The following CAPN8 variants were observed in gnomAD, a reference collection of about 807,000 sequenced individuals.
The protein encoded by CAPN8 is calpain-8.
CAPN8 carries 87 observed loss-of-function variants against 80.9 expected under a neutral mutation model. The observed-to-expected ratio is 1.07, with a 90% CI of 0.90 to 1.28. CAPN8 has a LOEUF of 1.28. CAPN8 is among the 50% of genes most tolerant of loss of function. The pLI is 0.00. For missense variants in CAPN8, 757 were observed against 702.0 expected (o/e 1.08, Z -0.89); for synonymous variants, 299 against 273.8 (o/e 1.09, Z -0.91).
chr1:223,635,203 A>T (rs1291523301), intron 2 of CAPN8, among the ~76,000 whole-genome samples: 1 of 152,210 alleles, frequency 6.6e-6, no homozygotes, highest in Non-Finnish European at 1.5e-5. Context: ...ATGTTTTTAT[A>T]CACAGGGAGC....
At chr1:223,556,302 GGT>G (rs1165666796) in intron 13 of CAPN8, among the ~76,000 whole-genome samples, 20 of 150,174 alleles carry the variant, frequency 1.3e-4, no homozygotes, top group Non-Finnish European at 1.6e-4. Flanking sequence ...TGTATTCTGG[GGT>G]GTGTGTGTGT....
intron 18 of CAPN8, 117 bp downstream of exon 18, chr1:223,544,655 G>T (rs1048553640): frequency 1.5e-5 from 22 of 1,425,968 alleles, no homozygotes; most frequent in South Asian, 2.7e-5. Flanking sequence ...TTGTTGCCTT[G>T]ATATCCCATA....
chr1:223,649,994 A>G (rs144354949), intron 2 of CAPN8, among the ~76,000 whole-genome samples: 58 of 152,278 alleles, frequency 3.8e-4, no homozygotes, highest in African/African-American at 1.4e-3. Context: ...CTTTGATTAT[A>G]TCCCCACTTT....
At chr1:223,546,197 T>C (rs915708202) in intron 16 of CAPN8, among the ~76,000 whole-genome samples, 3 of 152,038 alleles carry the variant, frequency 2.0e-5, no homozygotes, top group Non-Finnish European at 2.9e-5. Context: ...TCTACAATTT[T>C]CTCACCAGTC....
At chr1:223,631,053 C>A (rs892980958) in intron 2 of CAPN8, among the ~76,000 whole-genome samples, 3 of 152,170 alleles carry the variant, frequency 2.0e-5, no homozygotes, top group African/African-American at 7.2e-5. Flanking sequence ...CAACCTACTT[C>A]TCCAGTCTTT....
At chr1:223,543,505 G>A (rs1210412215) in intron 19 of CAPN8, among the ~76,000 whole-genome samples, 1 of 152,170 alleles carries the variant, frequency 6.6e-6, no homozygotes, top group Non-Finnish European at 1.5e-5. Context: ...TTGCTTGTGG[G>A]TAATCCAGTC....
At chr1:223,555,473 T>C (rs1656882709) in intron 13 of CAPN8, among the ~76,000 whole-genome samples, 1 of 152,224 alleles carries the variant, frequency 6.6e-6, no homozygotes, top group Non-Finnish European at 1.5e-5. Context: ...AAAATACATC[T>C]AGATTTTTAG....
chr1:223,627,032 C>G lies in CAPN8; in HGVS notation c.686G>C (p.Arg229Pro). 2 of 1,551,912 alleles carry G rather than the reference C, an allele frequency of 1.3e-6. No individual in the cohort carries two copies. The highest frequency in any genetic ancestry group is 1.7e-6 in the Non-Finnish European group (2 of 1,147,046). Residue 229 changes from arginine to proline, a missense_variant, in exon 5 of 21, where the codon CGG becomes CCG. Transcript: ENST00000366872. ...KPPANLYQII[R>P]KALCAGSLLG... ...CAGAGACCCCGCACAGAGGGCCTTC[C>G]GGATGATCTGATATAGATTGGCTGG...
Position 223,628,646 on chromosome 1 carries a change from G to C in CAPN8, c.426+16C>G. ...TACGGAAAACAGCAACAAAGGGCCAGAGCAGAGCACAGTACCTGAAAGTGA... is the reference window on the plus strand; with the variant it reads ...TACGGAAAACAGCAACAAAGGGCCACAGCAGAGCACAGTACCTGAAAGTGA... On this transcript the variant is annotated intron_variant, in intron 3 of 20. Transcript: ENST00000366872. 6.5e-7 allele frequency: 1 copy of C among 1,536,500 alleles called. No individual in the cohort carries two copies.
rs1572227990 is a variant in CAPN8, at chr1:223,610,237, G to A, written c.1324-873C>T. Among the ~76,000 whole-genome samples, 3 of 152,272 alleles carry A rather than the reference G, an allele frequency of 2.0e-5. No individual in the cohort carries two copies. The South Asian group carries it at 6.2e-4, about 32-fold the overall frequency. On this transcript the variant is annotated intron_variant, in intron 11 of 20. Transcript: ENST00000366872. Reference sequence around the variant, plus strand: ...AGAGCTGAAATGTCCACCCCAGAGTGGACAGTGTTCATTCTTGGTCATCAG... The same window carrying A: ...AGAGCTGAAATGTCCACCCCAGAGTAGACAGTGTTCATTCTTGGTCATCAG...
chr1:223,642,862 T>C (rs951285847), intron 2 of CAPN8: 5 of 455,616 alleles, frequency 1.1e-5, no homozygotes, highest in Middle Eastern at 6.5e-4. Context: ...TAAGACTCAA[T>C]GGCATGAAAC....
intron 2 of CAPN8, among the ~76,000 whole-genome samples, chr1:223,634,246 C>T (rs1657853015): frequency 1.3e-5 from 2 of 152,146 alleles, no homozygotes; most frequent in Non-Finnish European, 2.9e-5. Flanking sequence ...TGAACGGAGG[C>T]TGTGATGTGT....
chr1:223,550,892 C>A, intron 15 of CAPN8, 68 bp downstream of exon 15: 1 of 700,734 alleles, frequency 1.4e-6, no homozygotes, highest in South Asian at 1.5e-5. Context: ...CAATGCCTGC[C>A]TACCCATCCC....
At chr1:223,642,611 T>C (rs1331368675) in intron 2 of CAPN8, 2 of 361,344 alleles carry the variant, frequency 5.5e-6, no homozygotes, top group African/African-American at 2.1e-5. Context: ...AGAGTTAATG[T>C]ACTTCAAAAC....
intron 1 of CAPN8, among the ~76,000 whole-genome samples, chr1:223,660,395 G>C (rs1004126683): frequency 1.3e-5 from 2 of 152,120 alleles, no homozygotes; most frequent in African/African-American, 4.8e-5. Context: ...GAACACCCCC[G>C]ATCTCACATA....
intron 19 of CAPN8, 45 bp from the exon 20 acceptor site, chr1:223,543,211 G>T (rs1457584932): frequency 2.1e-5 from 33 of 1,547,154 alleles, no homozygotes; most frequent in Non-Finnish European, 2.8e-5. Context: ...GGCTGTTCCT[G>T]GACTTTGGAA....
At chr1:223,543,898 TCCAGCTGCC>T (rs1656541580) in intron 19 of CAPN8, among the ~76,000 whole-genome samples, 160 bp downstream of exon 19, 1 of 152,206 alleles carries the variant, frequency 6.6e-6, no homozygotes, top group South Asian at 2.1e-4. Context: ...CCCCTTCAGG[TCCAGCTGCC>T]CCTCGCCCCC....
chr1:223,650,747 T>C (rs1376262603), intron 2 of CAPN8, among the ~76,000 whole-genome samples: 1 of 152,082 alleles, frequency 6.6e-6, no homozygotes, highest in Non-Finnish European at 1.5e-5. Flanking sequence ...AAGCTATTAA[T>C]AGTTGGGTTG....
At chr1:223,650,350 G>A (rs1010057279) in intron 2 of CAPN8, among the ~76,000 whole-genome samples, 1 of 152,128 alleles carries the variant, frequency 6.6e-6, no homozygotes, top group East Asian at 1.9e-4. Flanking sequence ...TTTTAGAGGA[G>A]GTTCCCAGTC....
Sources: allele counts gnomAD v4.1 joint callset (sites outside exome capture counted in the v4.1 genomes callset), GRCh38; gene constraint gnomAD v4.1.1; transcripts MANE v1.5; gene names NCBI Gene and HGNC (gene_info 2026-07-23, HGNC 2026-07-21).